The following DPP3 variants were observed in gnomAD, a reference collection of about 807,000 sequenced individuals.
The protein encoded by DPP3 is dipeptidyl peptidase 3, also known as DPP III.
A neutral mutation model predicts 89.8 loss-of-function variants in DPP3; 64 were observed. That is an observed-to-expected ratio of 0.71 (90% confidence interval 0.58 to 0.88). The LOEUF is 0.88. DPP3 is among the 40% of genes least tolerant of loss of function. The pLI is 0.00. For synonymous variants in DPP3, 377 were observed against 404.3 expected, an observed-to-expected ratio of 0.93 and a Z score of 0.81; for missense variants, 835 against 972.5, an observed-to-expected ratio of 0.86 and a Z score of 1.88.
intron 17 of DPP3, among the ~76,000 whole-genome samples, chr11:66,505,730 C>T (rs1855782671): frequency 6.6e-6 from 1 of 151,054 alleles, no homozygotes; most frequent in South Asian, 2.1e-4. Flanking sequence ...TGCCTATAGT[C>T]CCAGCTACTT....
chr11:66,502,127 A>T (rs1855691980), intron 16 of DPP3, among the ~76,000 whole-genome samples: 1 of 151,950 alleles, frequency 6.6e-6, no homozygotes, highest in Non-Finnish European at 1.5e-5. Context: ...TGGGAGGTGG[A>T]GGTTGCGTGA....
chr11:66,502,474 A>AT (rs60044594), intron 16 of DPP3, among the ~76,000 whole-genome samples: 31 of 142,062 alleles, frequency 2.2e-4, no homozygotes, highest in Admixed American at 4.3e-4. Context: ...TGCCCAGCTA[A>AT]TTTTTTTTTT....
chr11:66,488,884 C>T (rs944647933), intron 6 of DPP3, among the ~76,000 whole-genome samples: 1 of 152,134 alleles, frequency 6.6e-6, no homozygotes, highest in Non-Finnish European at 1.5e-5. Context: ...CAGAGTCTTG[C>T]TGTATCGCCC....
chr11:66,499,468 A>T (rs1855626892), intron 16 of DPP3, among the ~76,000 whole-genome samples: 1 of 151,958 alleles, frequency 6.6e-6, no homozygotes, highest in Admixed American at 6.6e-5. Flanking sequence ...GCCACAGTAA[A>T]ATACAACAAG....
intron 16 of DPP3, among the ~76,000 whole-genome samples, chr11:66,500,903 A>G (rs1292142758): frequency 6.6e-6 from 1 of 151,764 alleles, no homozygotes; most frequent in Admixed American, 6.6e-5. Context: ...TAAAAGTACA[A>G]AAAGGCTGGG....
chr11:66,502,284 G>C (rs1855697128), intron 16 of DPP3, among the ~76,000 whole-genome samples: 1 of 152,072 alleles, frequency 6.6e-6, no homozygotes, highest in African/African-American at 2.4e-5. Flanking sequence ...TAACTCTGAG[G>C]TGAGGTGGGG....
At chr11:66,507,771 G>A (rs11227503) in intron 17 of DPP3, among the ~76,000 whole-genome samples, 1 of 146,896 alleles carries the variant, frequency 6.8e-6, no homozygotes, top group East Asian at 2.0e-4. Context: ...CTCCACCTCC[G>A]GAGTCAAATG....
chr11:66,507,469 A>G (rs1855829775), intron 17 of DPP3, among the ~76,000 whole-genome samples: 1 of 151,876 alleles, frequency 6.6e-6, no homozygotes, highest in Non-Finnish European at 1.5e-5. Flanking sequence ...TCCATCTAAA[A>G]AAAAAAATAA....
chr11:66,508,017 C>T (rs2134758546), intron 17 of DPP3, among the ~76,000 whole-genome samples: 1 of 152,280 alleles, frequency 6.6e-6, no homozygotes, highest in South Asian at 2.1e-4. Flanking sequence ...CTCCTAACAA[C>T]CCAGAGAGAA....
chr11:66,483,874 A>G (rs1418524798), intron 2 of DPP3, among the ~76,000 whole-genome samples: 2 of 152,104 alleles, frequency 1.3e-5, no homozygotes, highest in Non-Finnish European at 2.9e-5. Context: ...TTGGGCATTC[A>G]CTTCCCATCT....
chr11:66,497,077 G>C (rs561464891), intron 15 of DPP3, among the ~76,000 whole-genome samples: 1 of 152,228 alleles, frequency 6.6e-6, no homozygotes, highest in African/African-American at 2.4e-5. Flanking sequence ...TCCTAGGGCA[G>C]CCTGCCCTCT....
intron 16 of DPP3, among the ~76,000 whole-genome samples, chr11:66,499,364 A>T (rs80248990): frequency 1.5e-5 from 2 of 133,530 alleles, no homozygotes; most frequent in African/African-American, 3.1e-5. Context: ...ACTCCGCCTC[A>T]AAAAAAAAAA....
chr11:66,501,314 C>T (rs1170436999), intron 16 of DPP3, among the ~76,000 whole-genome samples: 2 of 151,366 alleles, frequency 1.3e-5, no homozygotes, highest in Non-Finnish European at 2.9e-5. Flanking sequence ...GAGCCATGAT[C>T]GTGCTGCTGC....
intron 11 of DPP3, 111 bp downstream of exon 11, chr11:66,493,290 C>G (rs892191089): frequency 1.8e-5 from 18 of 977,318 alleles, no homozygotes; most frequent in Non-Finnish European, 2.6e-5. Context: ...TCAGTCCTGG[C>G]TCTGCCACTT....
In DPP3 at chr11:66,491,573, A is replaced by G; in HGVS notation, c.878A>G (p.His293Arg). ...TTCACCCAGGGCTCCATCGAGGCCC[A>G]CAAGAGGGGCTCCCGCTTCTGGATC... ...ESFTQGSIEA[H>R]KRGSRFWIQD... is the part of the protein sequence containing the mutation. Residue 293 changes from histidine (H) to arginine (R), a missense_variant, in exon 8 of 18, where the codon CAC (histidine) becomes CGC (arginine). His to Arg is a conservative substitution (Grantham distance 29, BLOSUM62 0). Coordinates refer to ENST00000531863, the MANE Select transcript of DPP3 (RefSeq NM_130443.4). The G allele has an allele frequency of 1.9e-6, 3 of 1,613,958 alleles. No individual in the cohort carries two copies. Among genetic ancestry groups the G allele is most frequent in the Non-Finnish European group, 2.5e-6 (3 of 1,179,900 alleles).
intron 16 of DPP3, among the ~76,000 whole-genome samples, chr11:66,501,599 A>G (rs1413271048): frequency 1.3e-5 from 2 of 148,340 alleles, no homozygotes; most frequent in Non-Finnish European, 3.0e-5. Context: ...CTGAGGCGGG[A>G]GGATCACCTG....
chr11:66,484,115 T>A (rs1590731229), intron 2 of DPP3, among the ~76,000 whole-genome samples: 1 of 152,110 alleles, frequency 6.6e-6, no homozygotes, highest in East Asian at 1.9e-4. Context: ...GTAGCTGGTA[T>A]TACAGGCATG....
Position 66,486,607 on chromosome 11 carries a change from T to C in DPP3, c.428T>C (p.Leu143Pro). 1.3e-6 allele frequency: 2 copies of C among 1,586,826 alleles called. No individual in the cohort carries two copies. Among genetic ancestry groups the C allele is most frequent in the Non-Finnish European group, 1.7e-6 (2 of 1,165,940 alleles). Residue 143 changes from leucine to proline, a missense_variant, in exon 4 of 18, where the codon CTC becomes CCC. Leu to Pro is a moderately conservative substitution (Grantham distance 98). Coordinates refer to ENST00000531863, the MANE Select transcript of DPP3 (RefSeq NM_130443.4). ...AQQHPEEVRGLWQTCGELMFS... is the reference protein window; with the variant it reads ...AQQHPEEVRGPWQTCGELMFS... The stretch of plus-strand genomic sequence containing the variant: ...CAGCACCCAGAAGAAGTCAGGGGCC[T>C]CTGGCAGACCTGCGGGGAGCTTATG...
intron 2 of DPP3, among the ~76,000 whole-genome samples, chr11:66,483,450 C>A (rs1855142170): frequency 6.6e-6 from 1 of 151,810 alleles, no homozygotes; most frequent in South Asian, 2.1e-4. Flanking sequence ...GCTTTGTGTC[C>A]TGCTTTTTCC....
Sources: gnomAD v4.1 joint callset for allele counts (sites outside exome capture counted in the v4.1 genomes callset) on GRCh38, gnomAD v4.1.1 for gene constraint, MANE v1.5 for transcripts, NCBI Gene and HGNC (gene_info 2026-07-23, HGNC 2026-07-21) for gene names.